Variants in TNKS1BP1 observed in about 807,000 individuals in gnomAD.
TNKS1BP1 encodes CCR4-NOT transcription complex subunit 12.
In TNKS1BP1, 48 loss-of-function variants were observed where a neutral mutation model predicts 141.1. The observed-to-expected ratio is 0.34, with a 90% confidence interval of 0.27 to 0.43. The LOEUF (loss-of-function observed/expected upper bound fraction) is 0.43. Ranked by LOEUF, TNKS1BP1 falls within the 20% of genes least tolerant of loss-of-function variation. The probability of loss-of-function intolerance (pLI) is 1.00; values close to 1 mark genes in which losing one functional copy is unlikely to be tolerated. For synonymous variants in TNKS1BP1, 875 were observed against 898.2 expected (o/e 0.97, Z 0.46); for missense variants, 2,149 against 2,226.0 (o/e 0.97, Z 0.70).
rs151252290 is a variant in TNKS1BP1, at chr11:57,309,050, C to T, written c.3661G>A (p.Gly1221Arg). The change falls in exon 6 of 12, where the codon GGA (glycine) becomes AGA (arginine). Residue 1221 changes from glycine (G) to arginine (R), a missense_variant. Coordinates refer to ENST00000358252, the MANE Select transcript of TNKS1BP1 (RefSeq NM_033396.3). This position sits in a 1 kb window ranked among gnomAD's most constrained non-coding sequence, Gnocchi z 4.3. ...GAAGTCCAGTCCTTCTCCCCAACTC[C>T]GATTCCCCCCGGCTCTTCAGACCCT... is the stretch of plus-strand genomic sequence containing the variant. Reference protein sequence around the residue: ...SGGSEEPGGIGVGEKDWTSDV... With the variant: ...SGGSEEPGGIRVGEKDWTSDV... 0.016 allele frequency: 25,062 copies of T among 1,614,126 alleles called. 239 individuals are homozygous for T. Among genetic ancestry groups the T allele is most frequent in the Non-Finnish European group, 0.019 (21,835 of 1,180,004 alleles).
At position 57,309,142 on chromosome 11, in the gene TNKS1BP1, C is replaced by A; in HGVS notation, c.3569G>T (p.Gly1190Val). The A allele has an allele frequency of 6.2e-7, 1 of 1,614,208 alleles. No homozygotes were observed. Among genetic ancestry groups the A allele is most frequent in the Non-Finnish European group, 8.5e-7 (1 of 1,180,038 alleles). ...GSSEARESAV[G>V]QMGWSGGLSL... ...CAGGCCACCTGACCAGCCCATCTGT[C>A]CCACGGCACTCTCCCTGGCCTCGCT... The change falls in exon 6 of 12, where the codon GGA becomes GTA. Residue 1190 changes from glycine to valine, a missense_variant. Gly to Val is a moderately radical substitution (Grantham distance 109). Coordinates refer to ENST00000358252, the MANE Select transcript of TNKS1BP1 (RefSeq NM_033396.3). The surrounding 1 kb of genome is among the most constrained non-coding windows in gnomAD (Gnocchi z 4.3).
At chr11:57,315,137 G>A (rs186201928) in intron 4 of TNKS1BP1, among the ~76,000 whole-genome samples, 108 of 152,074 alleles carry the variant, frequency 7.1e-4, no homozygotes, top group African/African-American at 2.5e-3. Context: ...CTCAGTGACT[G>A]TGCGACCCAT....
intron 4 of TNKS1BP1, 77 bp from the exon 5 acceptor site, chr11:57,313,966 G>A (rs1855759820): frequency 7.3e-7 from 1 of 1,370,690 alleles, no homozygotes; most frequent in Non-Finnish European, 9.4e-7. Context: ...ACCCCACACA[G>A]ACCCCAGGTC....
chr11:57,301,730 G>A (rs1425650048), intron 9 of TNKS1BP1, 77 bp downstream of exon 9: 1 of 1,544,938 alleles, frequency 6.5e-7, no homozygotes, highest in East Asian at 2.3e-5. Flanking sequence ...ATTGATGGAT[G>A]AAGAGAAGAA....
intron 4 of TNKS1BP1, among the ~76,000 whole-genome samples, chr11:57,316,072 C>G (rs1433738744): frequency 6.6e-6 from 1 of 152,240 alleles, no homozygotes; most frequent in Non-Finnish European, 1.5e-5. Flanking sequence ...GTCCCCTTCT[C>G]TCTTGAAACC....
chr11:57,320,977 C>T (rs564420063), intron 2 of TNKS1BP1, among the ~76,000 whole-genome samples: 1 of 152,218 alleles, frequency 6.6e-6, no homozygotes, highest in Non-Finnish European at 1.5e-5. Context: ...CCACCTGGCA[C>T]CTTACTTCTT....
intron 3 of TNKS1BP1, among the ~76,000 whole-genome samples, chr11:57,318,182 A>T (rs1422492731): frequency 1.3e-5 from 2 of 152,266 alleles, no homozygotes; most frequent in Non-Finnish European, 2.9e-5. Flanking sequence ...AGCTCCTAAA[A>T]AGATAACTCC....
intron 1 of TNKS1BP1, among the ~76,000 whole-genome samples, chr11:57,323,275 T>C (rs1368597993): frequency 6.6e-6 from 1 of 152,074 alleles, no homozygotes; most frequent in Non-Finnish European, 1.5e-5. Flanking sequence ...GCCCTAGTCC[T>C]GTCACCTGTT....
In TNKS1BP1 at chr11:57,308,587, T is replaced by C; in HGVS notation, c.4124A>G (p.Glu1375Gly). 1.2e-6 allele frequency: 2 copies of C among 1,614,134 alleles called. No homozygotes were observed. The highest frequency in any genetic ancestry group is 1.7e-6 in the Non-Finnish European group (2 of 1,180,002). The stretch of plus-strand genomic sequence containing the variant: ...GCTGCCATTGTGCCTCAGGCCGGGC[T>C]CTGGGCACTGGCTCACCCCGCCCAC... ...HGVGGVSQCP[E>G]PGLRHNGSLS... The change falls in exon 6 of 12, where the codon GAG (glutamate) becomes GGG (glycine). Residue 1375 changes from glutamate (E) to glycine (G), a missense_variant. Physicochemically the swap from Glu to Gly is moderately conservative, Grantham distance 98. Coordinates refer to ENST00000358252, the MANE Select transcript of TNKS1BP1 (RefSeq NM_033396.3).
At chr11:57,319,889 G>T (rs1341010160) in intron 3 of TNKS1BP1, among the ~76,000 whole-genome samples, 190 bp downstream of exon 3, 1 of 151,836 alleles carries the variant, frequency 6.6e-6, no homozygotes, top group Admixed American at 6.6e-5. Flanking sequence ...ATACAGTAAT[G>T]ATAACACCAT....
In TNKS1BP1 at chr11:57,320,374, C is replaced by T. The variant is rs777018298; in HGVS notation, c.433G>A (p.Ala145Thr). 1 of 1,614,088 alleles carries T rather than the reference C, an allele frequency of 6.2e-7. No individual in the cohort carries two copies. Among genetic ancestry groups the T allele is most frequent in the South Asian group, 1.1e-5 (1 of 91,068 alleles). The part of the protein sequence containing the change: ...RCAAPGGVRK[A>T]PAPFRPASER... The stretch of plus-strand genomic sequence containing the variant: ...GAGGCTGGGCGGAAAGGGGCAGGGG[C>T]CTTCCGTACACCCCCTGGGGCTGCA... The change falls in exon 3 of 12, where the codon GCC becomes ACC. Residue 145 changes from alanine (A) to threonine (T), a missense_variant. Transcript: ENST00000358252.
At chr11:57,304,872 CA>C (rs35084894) in intron 6 of TNKS1BP1, among the ~76,000 whole-genome samples, 3,437 of 72,622 alleles carry the variant, frequency 0.047, 16 homozygotes, top group Middle Eastern at 0.093. Context: ...AACTCCGTCT[CA>C]AAAAAAAAAA....
At chr11:57,301,695 A>C in intron 9 of TNKS1BP1, 112 bp downstream of exon 9, 11 of 1,392,190 alleles carry the variant, frequency 7.9e-6, no homozygotes, top group Non-Finnish European at 9.8e-6. Context: ...GAGAGGAGGA[A>C]TGGGAGAGGG....
intron 6 of TNKS1BP1, among the ~76,000 whole-genome samples, chr11:57,305,632 G>A (rs1258103688): frequency 6.6e-6 from 1 of 152,166 alleles, no homozygotes; most frequent in African/African-American, 2.4e-5. Flanking sequence ...GAGACAGGGA[G>A]GGTGCCCAGA....
chr11:57,310,353 G>A lies in TNKS1BP1; in HGVS notation c.2358C>T (p.Ser786=), dbSNP rs145451025. ...CACACCTGCTGGCCCACTCCCTGGT[G>A]CTCCCTTCCCCTGCTCCTTGCCCAT... ...SKYGQGAGEG[S]TREWASRCGI... The change falls in exon 6 of 12, where the codon AGC becomes AGT. Residue 786 remains serine (S), a synonymous_variant. Transcript: ENST00000358252. 1.2e-4 allele frequency: 201 copies of A among 1,613,994 alleles called. No homozygotes were observed. Among genetic ancestry groups the A allele is most frequent in the African/African-American group, 1.2e-3 (92 of 75,020 alleles).
At position 57,301,027 on chromosome 11, in the gene TNKS1BP1, G is replaced by A. The variant is rs762765849; in HGVS notation, c.4986C>T (p.Pro1662=). Residue 1662 remains proline (P), a synonymous_variant, in exon 10 of 12, where the codon CCC becomes CCT. Coordinates refer to ENST00000358252, the MANE Select transcript of TNKS1BP1 (RefSeq NM_033396.3). Reference sequence around the variant, plus strand: ...CTCCCTCCTCAGCTGAGCGATTCCGGGGGCGCAGCTTGGCCTGAGAAGCAA... The same window carrying A: ...CTCCCTCCTCAGCTGAGCGATTCCGAGGGCGCAGCTTGGCCTGAGAAGCAA... The part of the protein sequence containing the change: ...SPSALKAKLR[P]RNRSAEEGEL... 4 of 1,612,282 alleles carry A rather than the reference G, an allele frequency of 2.5e-6. No homozygotes were observed. The highest frequency in any genetic ancestry group is 3.4e-6 in the Non-Finnish European group (4 of 1,178,988).
intron 6 of TNKS1BP1, among the ~76,000 whole-genome samples, chr11:57,305,881 C>T (rs549725461): frequency 2.0e-5 from 3 of 152,320 alleles, no homozygotes; most frequent in Admixed American, 1.3e-4. Context: ...AGAATCAGAA[C>T]GCAAGCCTGG....
intron 4 of TNKS1BP1, 73 bp downstream of exon 4, chr11:57,317,745 G>C (rs976916190): frequency 3.5e-5 from 50 of 1,442,758 alleles, no homozygotes; most frequent in Admixed American, 3.2e-4. Flanking sequence ...ACAAGGAGTA[G>C]AAAAGATGAT....
chr11:57,302,226 T>G lies in TNKS1BP1; in HGVS notation c.4684-2A>C. 1 of 1,608,688 alleles carries G rather than the reference T, an allele frequency of 6.2e-7. No individual in the cohort carries two copies. The highest frequency in any genetic ancestry group is 1.1e-5 in the South Asian group (1 of 90,974). On this transcript the variant is annotated splice_acceptor_variant, in intron 7 of 11. Coordinates refer to ENST00000358252, the MANE Select transcript of TNKS1BP1 (RefSeq NM_033396.3). LOFTEE classifies it high-confidence loss of function. This position sits in a 1 kb window ranked among gnomAD's most constrained non-coding sequence, Gnocchi z 5.5. The stretch of plus-strand genomic sequence containing the variant: ...GGCACTGTCGAGGATCTCGGTGTCC[T>G]GCTTGGGGCAATGGTGACACCACTG...
Sources: gnomAD v4.1 joint callset for allele counts (sites outside exome capture counted in the v4.1 genomes callset) on GRCh38, gnomAD v4.1.1 for gene constraint, Gnocchi (gnomAD v3.1) non-coding constraint, MANE v1.5 for transcripts, NCBI Gene and HGNC (gene_info 2026-07-23, HGNC 2026-07-21) for gene names.